NR6A1: variants seen among roughly 807,000 people sequenced by gnomAD.
NR6A1 encodes the protein retinoic acid receptor-related testis-associated receptor.
NR6A1 carries 7 observed loss-of-function variants against 59.1 expected under a neutral mutation model. The observed-to-expected ratio is 0.12, with a 90% CI of 0.07 to 0.22. NR6A1 has a LOEUF of 0.22. Ranked by LOEUF, NR6A1 falls within the 10% of genes least tolerant of loss-of-function variation. NR6A1 has a pLI of 1.00. For missense variants in NR6A1, 468 were observed against 611.6 expected (o/e 0.77, Z 2.48); for synonymous variants, 243 against 236.1 (o/e 1.03, Z -0.27).
At chr9:124,708,293 T>A (rs930009861) in intron 2 of NR6A1, among the ~76,000 whole-genome samples, 3 of 152,166 alleles carry the variant, frequency 2.0e-5, no homozygotes, top group African/African-American at 2.4e-5. Context: ...AGCCCCACCC[T>A]GGTTGAACTA....
chr9:124,768,006 GA>G (rs1031408353), intron 1 of NR6A1, among the ~76,000 whole-genome samples: 10 of 152,312 alleles, frequency 6.6e-5, no homozygotes, highest in East Asian at 3.9e-4. Flanking sequence ...TGTTTGTTAT[GA>G]AAACCTACAA....
intron 2 of NR6A1, among the ~76,000 whole-genome samples, chr9:124,700,514 C>T (rs1369266328): frequency 6.6e-6 from 1 of 152,100 alleles, no homozygotes; most frequent in African/African-American, 2.4e-5. Context: ...AGCCACCACG[C>T]CCAGTGAAGT....
intron 2 of NR6A1, among the ~76,000 whole-genome samples, chr9:124,644,180 G>A (rs757609541): frequency 3.3e-5 from 5 of 151,990 alleles, no homozygotes; most frequent in Non-Finnish European, 7.4e-5. Context: ...GGGATTACAG[G>A]CGTGAGCCAC....
intron 2 of NR6A1, among the ~76,000 whole-genome samples, chr9:124,581,774 C>A (rs1834776362): frequency 6.6e-6 from 1 of 151,986 alleles, no homozygotes; most frequent in African/African-American, 2.4e-5. Context: ...AGGATATGAA[C>A]AGACGCTTCT....
intron 4 of NR6A1, among the ~76,000 whole-genome samples, chr9:124,541,281 G>GA (rs1057459905): frequency 3.8e-4 from 57 of 151,092 alleles, no homozygotes; most frequent in East Asian, 9.7e-4. Flanking sequence ...CTCAGGAACA[G>GA]AAAAAAAACA....
chr9:124,580,644 T>C lies in NR6A1; in HGVS notation c.143-26074A>G, dbSNP rs971561312. 8.9e-4 allele frequency among the ~76,000 whole-genome samples: 135 copies of C among 152,056 alleles called. 1 individual carries two copies. The highest frequency in any genetic ancestry group is 2.9e-3 in the African/African-American group (119 of 41,466). ...AGACCAGCTTGGTCAACATGGTGAA[T>C]TCCCATCTCTACTAAAAATATAAGA... On this transcript the variant is annotated intron_variant, in intron 2 of 9. Coordinates refer to ENST00000487099, the MANE Select transcript of NR6A1 (RefSeq NM_033334.4).
At chr9:124,721,819 CTG>C (rs1244554700) in intron 2 of NR6A1, among the ~76,000 whole-genome samples, 1 of 152,162 alleles carries the variant, frequency 6.6e-6, no homozygotes, top group Non-Finnish European at 1.5e-5. Flanking sequence ...CATTTGAGAT[CTG>C]TCACAATCAA....
chr9:124,622,031 T>C (rs981036058), intron 2 of NR6A1, among the ~76,000 whole-genome samples: 2 of 152,050 alleles, frequency 1.3e-5, no homozygotes, highest in East Asian at 1.9e-4. Flanking sequence ...CTGGGAAACA[T>C]GGTGAAACCC....
intron 2 of NR6A1, among the ~76,000 whole-genome samples, chr9:124,651,565 G>A (rs551761336): frequency 3.3e-5 from 5 of 152,156 alleles, no homozygotes; most frequent in Non-Finnish European, 5.9e-5. Flanking sequence ...ATAGGGGTTG[G>A]CCCCACAGTG....
rs1408636053 is a variant in NR6A1 at position 124,690,643 on chromosome 9, T to C, written c.142+42665A>G. On this transcript the variant is annotated intron_variant, in intron 2 of 9. Coordinates refer to ENST00000487099, the MANE Select transcript of NR6A1 (RefSeq NM_033334.4). ...TCAAACTCTTGGGCTTAAGGAATCC[T>C]CCCTCCTCAGCCTCCGAAAGTGCTG... Among the ~76,000 whole-genome samples the C allele has an allele frequency of 2.0e-5, 3 of 152,056 alleles. No homozygotes were observed. In the East Asian group the frequency reaches 5.8e-4, roughly 29 times the overall value.
chr9:124,738,964 T>C (rs867239028), intron 1 of NR6A1, among the ~76,000 whole-genome samples: 2 of 149,562 alleles, frequency 1.3e-5, no homozygotes, highest in African/African-American at 2.5e-5. Context: ...ATCACCCCAC[T>C]GCACTCCAGC....
rs564189416 is a variant in NR6A1 at position 124,550,913 on chromosome 9, G to A, written c.385+3415C>T. 4.7e-4 allele frequency among the ~76,000 whole-genome samples: 72 copies of A among 152,034 alleles called. 1 individual carries two copies. The highest frequency in any genetic ancestry group is 1.6e-3 in the African/African-American group (68 of 41,474). ...CTTTATTTATTCACTTATTCCTTTC[G>A]GTATGAACTCATGGATATTTTTATC... On this transcript the variant is annotated intron_variant, in intron 3 of 9. Coordinates refer to ENST00000487099, the MANE Select transcript of NR6A1 (RefSeq NM_033334.4).
At chr9:124,664,038 AAG>A (rs1335722552) in intron 2 of NR6A1, among the ~76,000 whole-genome samples, 1 of 152,230 alleles carries the variant, frequency 6.6e-6, no homozygotes, top group East Asian at 1.9e-4. Flanking sequence ...AATACTGTCC[AAG>A]AATGAGAAAT....
chr9:124,638,925 A>G (rs1346445663), intron 2 of NR6A1, among the ~76,000 whole-genome samples: 2 of 152,230 alleles, frequency 1.3e-5, no homozygotes, highest in Non-Finnish European at 2.9e-5. Flanking sequence ...GAATGAATAT[A>G]GTATAATCCT....
At chr9:124,719,463 A>G (rs1839501379) in intron 2 of NR6A1, among the ~76,000 whole-genome samples, 1 of 152,224 alleles carries the variant, frequency 6.6e-6, no homozygotes, top group South Asian at 2.1e-4. Context: ...GTATCAGATT[A>G]CATTTTTAAG....
intron 2 of NR6A1, among the ~76,000 whole-genome samples, chr9:124,595,190 T>C (rs1300424676): frequency 6.6e-6 from 1 of 152,138 alleles, no homozygotes; most frequent in Non-Finnish European, 1.5e-5. Flanking sequence ...TACACACACA[T>C]GCAGAAAATG....
chr9:124,640,615 G>A (rs1420796705), intron 2 of NR6A1, among the ~76,000 whole-genome samples: 1 of 151,988 alleles, frequency 6.6e-6, no homozygotes, highest in Non-Finnish European at 1.5e-5. Flanking sequence ...GCCCAGGCTA[G>A]TCTTGAATTA....
chr9:124,589,914 A>C (rs1388768278), intron 2 of NR6A1, among the ~76,000 whole-genome samples: 1 of 151,798 alleles, frequency 6.6e-6, no homozygotes, highest in Admixed American at 6.6e-5. Flanking sequence ...AAAATGCAAA[A>C]ATCAGCTGGG....
At chr9:124,758,615 T>C (rs1239676312) in intron 1 of NR6A1, among the ~76,000 whole-genome samples, 4 of 152,190 alleles carry the variant, frequency 2.6e-5, no homozygotes, top group Non-Finnish European at 1.5e-5. Context: ...CAAATTTACA[T>C]TACAAATTAT....
Sources: allele counts gnomAD v4.1 joint callset (sites outside exome capture counted in the v4.1 genomes callset), GRCh38; gene constraint gnomAD v4.1.1; transcripts MANE v1.5; gene names NCBI Gene and HGNC (gene_info 2026-07-23, HGNC 2026-07-21).